Variants in RASGRF2 observed in about 807,000 individuals in gnomAD.
RASGRF2 encodes ras-specific guanine nucleotide-releasing factor 2.
RASGRF2 carries 76 observed loss-of-function variants against 151.0 expected under a neutral mutation model. The observed-to-expected ratio is 0.50, with a 90% CI of 0.42 to 0.61. RASGRF2 has a LOEUF of 0.61. RASGRF2 is among the 20% of genes least tolerant of loss of function. The pLI, the probability that RASGRF2 is intolerant of heterozygous loss-of-function variation, is 0.00. For missense variants in RASGRF2, 1,148 were observed against 1,564.6 expected, an observed-to-expected ratio of 0.73 and a Z score of 4.49; for synonymous variants, 504 against 566.5, an observed-to-expected ratio of 0.89 and a Z score of 1.57.
At chr5:81,031,925 A>T (rs1485069727) in intron 1 of RASGRF2, among the ~76,000 whole-genome samples, 1 of 152,234 alleles carries the variant, frequency 6.6e-6, no homozygotes, top group Admixed American at 6.5e-5. Flanking sequence ...AGAAGAAAAG[A>T]GAGAAGAATC....
At chr5:81,220,515 C>T (rs1366108228) in intron 26 of RASGRF2, among the ~76,000 whole-genome samples, 2 of 152,172 alleles carry the variant, frequency 1.3e-5, no homozygotes, top group East Asian at 1.9e-4. Context: ...GATGGAGTCT[C>T]GCTCTGTCGC....
At chr5:81,109,235 T>A (rs1229704651) in intron 13 of RASGRF2, among the ~76,000 whole-genome samples, 157 bp downstream of exon 13, 1 of 152,214 alleles carries the variant, frequency 6.6e-6, no homozygotes, top group Non-Finnish European at 1.5e-5. Flanking sequence ...CCATTATAAA[T>A]GAGACTATCA....
chr5:81,060,721 TA>T (rs1561584766), intron 2 of RASGRF2, among the ~76,000 whole-genome samples: 1 of 152,248 alleles, frequency 6.6e-6, no homozygotes, highest in East Asian at 1.9e-4. Context: ...ATGTTACTTA[TA>T]ATCCCAATGC....
At chr5:81,038,084 A>T (rs1470207892) in intron 1 of RASGRF2, among the ~76,000 whole-genome samples, 1 of 152,326 alleles carries the variant, frequency 6.6e-6, no homozygotes, top group Admixed American at 6.5e-5. Flanking sequence ...ATGATATATT[A>T]TTATACAGAT....
chr5:81,147,411 C>A (rs1431572711), intron 17 of RASGRF2, among the ~76,000 whole-genome samples: 1 of 152,154 alleles, frequency 6.6e-6, no homozygotes, highest in Non-Finnish European at 1.5e-5. Flanking sequence ...ATCTGTCATA[C>A]TGGACTAAAT....
At chr5:81,072,467 A>G (rs1250053245) in intron 4 of RASGRF2, among the ~76,000 whole-genome samples, 1 of 152,198 alleles carries the variant, frequency 6.6e-6, no homozygotes, top group Non-Finnish European at 1.5e-5. Flanking sequence ...TAATAATGAT[A>G]CTTTGGTAGT....
intron 2 of RASGRF2, among the ~76,000 whole-genome samples, chr5:81,044,860 T>TAA (rs1243118935): frequency 1.3e-5 from 2 of 152,126 alleles, no homozygotes; most frequent in African/African-American, 4.8e-5. Flanking sequence ...TTTCTTTTCC[T>TAA]CATTCAAAGA....
intron 1 of RASGRF2, among the ~76,000 whole-genome samples, chr5:80,985,549 G>T (rs1218217476): frequency 2.6e-5 from 4 of 152,174 alleles, no homozygotes; most frequent in African/African-American, 9.7e-5. Flanking sequence ...GTCACGTGTT[G>T]CAAACAAATT....
Position 81,041,626 on chromosome 5 carries a change from A to G in RASGRF2, c.289-1251A>G, listed in dbSNP as rs115244469. Among the ~76,000 whole-genome samples, 768 of 152,338 alleles carry G rather than the reference A, an allele frequency of 5.0e-3. 8 individuals carry two copies. Among genetic ancestry groups the G allele is most frequent in the African/African-American group, 0.018 (735 of 41,572 alleles). ...GGAACATGGAGTGGTTTAGTAAACTAGCATGAGTTTGGGAGTCTTTGAATC... is the reference window on the plus strand; with the variant it reads ...GGAACATGGAGTGGTTTAGTAAACTGGCATGAGTTTGGGAGTCTTTGAATC... On this transcript the variant is annotated intron_variant, in intron 1 of 26. Coordinates refer to ENST00000265080, the MANE Select transcript of RASGRF2 (RefSeq NM_006909.3).
At chr5:81,032,384 G>A (rs1267441821) in intron 1 of RASGRF2, among the ~76,000 whole-genome samples, 1 of 152,204 alleles carries the variant, frequency 6.6e-6, no homozygotes, top group Non-Finnish European at 1.5e-5. Flanking sequence ...GAACATCGAT[G>A]TAAAAATCCT....
chr5:81,059,155 C>T (rs1232618220), intron 2 of RASGRF2, among the ~76,000 whole-genome samples: 5 of 150,532 alleles, frequency 3.3e-5, no homozygotes, highest in South Asian at 2.1e-4. Flanking sequence ...AGGCTGAAGC[C>T]GGTGGATCAC....
chr5:81,212,530 G>A lies in RASGRF2; in HGVS notation c.3321G>A (p.Arg1107=). ...TSALNRSAIY[R]LKKTWAKVSK... The stretch of plus-strand genomic sequence containing the variant: ...CCTTAAACAGAAGTGCCATCTACAG[G>A]CTGAAGAAAACCTGGGCCAAGGTCT... The change falls in exon 23 of 27, where the codon AGG becomes AGA. Residue 1107 remains arginine, a synonymous_variant. Transcript: ENST00000265080. 6.2e-7 allele frequency: 1 copy of A among 1,612,670 alleles called. No individual in the cohort carries two copies. The highest frequency in any genetic ancestry group is 8.5e-7 in the Non-Finnish European group (1 of 1,179,370).
chr5:81,026,048 ATCCTTCCCTTCTTC>A (rs962776249), intron 1 of RASGRF2, among the ~76,000 whole-genome samples: 7 of 20,806 alleles, frequency 3.4e-4, no homozygotes, highest in Non-Finnish European at 4.8e-4. Flanking sequence ...CCTTCCTTCC[ATCCTTCCCTTCTTC>A]TCCTTCCTCT....
chr5:81,192,949 C>T (rs896744315), intron 18 of RASGRF2, among the ~76,000 whole-genome samples: 4 of 152,144 alleles, frequency 2.6e-5, no homozygotes, highest in African/African-American at 4.8e-5. Flanking sequence ...AACCCCCCAC[C>T]TCTTATTTCT....
intron 17 of RASGRF2, among the ~76,000 whole-genome samples, chr5:81,165,910 G>GA (rs59840924): frequency 0.88 from 134,244 of 151,982 alleles, 59,633 homozygotes; most frequent in African/African-American, 0.97. Flanking sequence ...GACTCCTGGT[G>GA]CTTGACTCTC....
chr5:80,992,881 A>T (rs1276590776), intron 1 of RASGRF2, among the ~76,000 whole-genome samples: 2 of 152,234 alleles, frequency 1.3e-5, no homozygotes. Flanking sequence ...TACTTGTTAG[A>T]AGTGAGGTAC....
At chr5:80,967,318 G>T (rs888140275) in intron 1 of RASGRF2, among the ~76,000 whole-genome samples, 1 of 152,130 alleles carries the variant, frequency 6.6e-6, no homozygotes, top group African/African-American at 2.4e-5. Flanking sequence ...AACCTGGGAG[G>T]TGGAGGTTGC....
intron 13 of RASGRF2, among the ~76,000 whole-genome samples, chr5:81,110,383 G>A (rs559610994): frequency 2.7e-4 from 41 of 152,264 alleles, no homozygotes; most frequent in African/African-American, 9.9e-4. Context: ...ATTCTACTCA[G>A]TGTAATAAAA....
At chr5:80,961,060 C>CA (rs1747535266) in intron 1 of RASGRF2, 34 bp downstream of exon 1, 1 of 1,417,272 alleles carries the variant, frequency 7.1e-7, no homozygotes, top group Non-Finnish European at 9.2e-7. Context: ...GTCTCCCAGC[C>CA]TTGATCGCCG....
Sources: gnomAD v4.1 joint callset for allele counts (sites outside exome capture counted in the v4.1 genomes callset) on GRCh38, gnomAD v4.1.1 for gene constraint, MANE v1.5 for transcripts, NCBI Gene and HGNC (gene_info 2026-07-23, HGNC 2026-07-21) for gene names.